The following MSRA variants were observed in gnomAD, a reference collection of about 807,000 sequenced individuals.
The protein encoded by MSRA is mitochondrial peptide methionine sulfoxide reductase.
A neutral mutation model predicts 31.3 loss-of-function variants in MSRA; 54 were observed. The ratio of observed to expected loss-of-function variants is 1.73; its 90% CI spans 1.39 to 2.17. The LOEUF (loss-of-function observed/expected upper bound fraction) is 2.17. Among genes scored for constraint, MSRA ranks in the 30% most tolerant of loss-of-function variants. The pLI, the probability that MSRA is intolerant of heterozygous loss-of-function variation, is 0.00. For missense variants in MSRA, 507 were observed against 300.9 expected, an observed-to-expected ratio of 1.69 and a Z score of -5.07; for synonymous variants, 169 against 116.5, an observed-to-expected ratio of 1.45 and a Z score of -2.90.
intron 5 of MSRA, among the ~76,000 whole-genome samples, chr8:10,345,458 G>A (rs776163517): frequency 5.3e-5 from 8 of 151,968 alleles, no homozygotes; most frequent in Non-Finnish European, 4.4e-5. Context: ...GCGATCCAAG[G>A]GTCCACCATT....
chr8:10,162,700 C>T (rs11780122), intron 1 of MSRA, among the ~76,000 whole-genome samples: 32,608 of 152,116 alleles, frequency 0.21, 4,706 homozygotes, highest in Non-Finnish European at 0.33. Context: ...GAAGGGGAAA[C>T]CTGTAGCTCT....
At chr8:10,403,972 A>G (rs542982120) in intron 5 of MSRA, among the ~76,000 whole-genome samples, 60 of 152,346 alleles carry the variant, frequency 3.9e-4, no homozygotes, top group African/African-American at 1.3e-3. Flanking sequence ...AGAGATGACA[A>G]TGACGTAATT....
chr8:10,084,090 G>T (rs1798426305), intron 1 of MSRA, among the ~76,000 whole-genome samples: 1 of 152,244 alleles, frequency 6.6e-6, no homozygotes, highest in South Asian at 2.1e-4. Flanking sequence ...GTGCCATCGG[G>T]AGTCGAGGCA....
At chr8:10,199,641 G>T (rs1040454921) in intron 1 of MSRA, among the ~76,000 whole-genome samples, 1 of 152,088 alleles carries the variant, frequency 6.6e-6, no homozygotes, top group Admixed American at 6.5e-5. Flanking sequence ...TAGGCTTGTA[G>T]TCACACTAGT....
At chr8:10,271,148 A>G (rs1467290296) in intron 3 of MSRA, among the ~76,000 whole-genome samples, 1 of 152,114 alleles carries the variant, frequency 6.6e-6, no homozygotes, top group Non-Finnish European at 1.5e-5. Context: ...GAAGTAAACA[A>G]ACAGCTTTTT....
chr8:10,360,684 C>T (rs1047094817), intron 5 of MSRA, among the ~76,000 whole-genome samples: 1 of 152,216 alleles, frequency 6.6e-6, no homozygotes, highest in Non-Finnish European at 1.5e-5. Context: ...CCAAAGCAGG[C>T]ACAATTCTGG....
At chr8:10,317,581 C>G (rs1801798921) in intron 4 of MSRA, among the ~76,000 whole-genome samples, 1 of 152,130 alleles carries the variant, frequency 6.6e-6, no homozygotes, top group Non-Finnish European at 1.5e-5. Flanking sequence ...TCAAGAATGC[C>G]CCAAAGCCCA....
chr8:10,410,891 G>A (rs1366722777), intron 5 of MSRA, among the ~76,000 whole-genome samples: 3 of 152,124 alleles, frequency 2.0e-5, no homozygotes, highest in African/African-American at 7.2e-5. Flanking sequence ...TTCTTCCACT[G>A]GTTCTGAGCC....
chr8:10,129,232 G>GTGTCATGTCCCTGGA (rs1801724769), intron 1 of MSRA, among the ~76,000 whole-genome samples: 1 of 152,060 alleles, frequency 6.6e-6, no homozygotes, highest in Non-Finnish European at 1.5e-5. Flanking sequence ...GACATGATTG[G>GTGTCATGTCCCTGGA]TATTCTGCAT....
chr8:10,295,458 C>T (rs1800483945), intron 3 of MSRA, among the ~76,000 whole-genome samples: 1 of 152,172 alleles, frequency 6.6e-6, no homozygotes, highest in African/African-American at 2.4e-5. Flanking sequence ...AGACTGCTGG[C>T]CCAGTGACCC....
intron 1 of MSRA, among the ~76,000 whole-genome samples, chr8:10,116,926 A>G (rs1412027287): frequency 6.6e-6 from 1 of 152,138 alleles, no homozygotes; most frequent in Non-Finnish European, 1.5e-5. Flanking sequence ...AGATTGCGCC[A>G]TTGCACTCTA....
intron 5 of MSRA, among the ~76,000 whole-genome samples, chr8:10,378,585 A>G (rs1805879894): frequency 6.6e-6 from 1 of 152,166 alleles, no homozygotes; most frequent in South Asian, 2.1e-4. Flanking sequence ...TCTCCCGGCC[A>G]GGAGAGAGCC....
rs143953949 is a variant in MSRA at position 10,118,464 on chromosome 8, A to C, written c.142+63806A>C. On this transcript the variant is annotated intron_variant, in intron 1 of 5. Transcript: ENST00000317173. ...TATAACCTCCCTGAGGAAATGCTAC[A>C]GGCCTGATCCATCTCTCCCCTCTTT... Among the ~76,000 whole-genome samples the C allele has an allele frequency of 1.7e-3, 262 of 152,232 alleles. 1 individual carries two copies. The highest frequency in any genetic ancestry group is 6.0e-3 in the African/African-American group (251 of 41,544).
intron 5 of MSRA, among the ~76,000 whole-genome samples, chr8:10,425,249 C>A (rs1371177446): frequency 6.6e-6 from 1 of 152,224 alleles, no homozygotes; most frequent in Non-Finnish European, 1.5e-5. Flanking sequence ...CCGACAGGAC[C>A]CGTCCATGAG....
At chr8:10,268,489 C>T (rs1798861789) in intron 3 of MSRA, among the ~76,000 whole-genome samples, 1 of 152,228 alleles carries the variant, frequency 6.6e-6, no homozygotes, top group Admixed American at 6.5e-5. Flanking sequence ...TTTCACAGCA[C>T]CATCCTTCTC....
At chr8:10,221,456 T>A (rs1810493842) in intron 2 of MSRA, among the ~76,000 whole-genome samples, 1 of 149,684 alleles carries the variant, frequency 6.7e-6, no homozygotes, top group South Asian at 2.1e-4. Flanking sequence ...ATATATATAT[T>A]TGTTCTTTAC....
At chr8:10,421,242 G>A (rs964053062) in intron 5 of MSRA, among the ~76,000 whole-genome samples, 3 of 152,172 alleles carry the variant, frequency 2.0e-5, no homozygotes. Flanking sequence ...CTGACCGGTG[G>A]CTGTGGTCAT....
chr8:10,155,976 A>G (rs985091713), intron 1 of MSRA, among the ~76,000 whole-genome samples: 9 of 152,154 alleles, frequency 5.9e-5, no homozygotes, highest in Non-Finnish European at 1.0e-4. Context: ...TGCTTTTGCA[A>G]TGTAGAGATT....
At chr8:10,242,750 C>T (rs896617962) in intron 2 of MSRA, among the ~76,000 whole-genome samples, 2 of 152,100 alleles carry the variant, frequency 1.3e-5, no homozygotes, top group Admixed American at 6.5e-5. Flanking sequence ...ACACTCACAC[C>T]TTCAAAGCCA....
Sources: allele counts gnomAD v4.1 joint callset (sites outside exome capture counted in the v4.1 genomes callset), GRCh38; gene constraint gnomAD v4.1.1; transcripts MANE v1.5; gene names NCBI Gene and HGNC (gene_info 2026-07-23, HGNC 2026-07-21).